NBAS: variants seen among roughly 807,000 people sequenced by gnomAD.
The protein encoded by NBAS is NAG/BC035112 fusion.
A neutral mutation model predicts 302.5 loss-of-function variants in NBAS; 219 were observed. The observed-to-expected ratio is 0.72, with a 90% CI of 0.65 to 0.81. NBAS has a LOEUF of 0.81. Among genes scored for constraint, NBAS ranks in the 30% least tolerant of loss-of-function variants. The probability of loss-of-function intolerance (pLI) is 0.00; values close to 1 mark genes in which losing one functional copy is unlikely to be tolerated. For missense variants in NBAS, 2,932 were observed against 2,841.6 expected (o/e 1.03, Z -0.72); for synonymous variants, 1,118 against 1,021.6 (o/e 1.09, Z -1.80).
At chr2:15,421,339 C>G (rs895588946) in intron 23 of NBAS, among the ~76,000 whole-genome samples, 2 of 152,158 alleles carry the variant, frequency 1.3e-5, no homozygotes, top group Non-Finnish European at 2.9e-5. Flanking sequence ...CAAATACTTA[C>G]TAAAGTATAA....
chr2:15,455,936 C>T (rs963262513), intron 21 of NBAS, among the ~76,000 whole-genome samples: 6 of 151,928 alleles, frequency 3.9e-5, no homozygotes, highest in African/African-American at 1.5e-4. Flanking sequence ...AAAAAATACC[C>T]CACTGCCAAA....
chr2:15,073,350 G>T, the NBAS span, among the ~76,000 whole-genome samples: 1 of 151,846 alleles, frequency 6.6e-6, no homozygotes, highest in Non-Finnish European at 1.5e-5. Flanking sequence ...GTGGTGGCAG[G>T]TGCCTGTAAT....
At chr2:14,818,129 A>C in the NBAS span, among the ~76,000 whole-genome samples, 3 of 152,098 alleles carry the variant, frequency 2.0e-5, no homozygotes, top group Non-Finnish European at 4.4e-5. Context: ...GTTTGGGAGT[A>C]TCTCAAATCT....
the NBAS span, among the ~76,000 whole-genome samples, chr2:15,141,615 T>C: frequency 1.3e-5 from 2 of 152,218 alleles, no homozygotes; most frequent in South Asian, 4.1e-4. Flanking sequence ...GCTAGACTCA[T>C]TTTGATACAA....
At chr2:15,033,286 G>A in the NBAS span, among the ~76,000 whole-genome samples, 2 of 152,106 alleles carry the variant, frequency 1.3e-5, no homozygotes, top group Non-Finnish European at 2.9e-5. Flanking sequence ...TTCCACCACT[G>A]TATTTTGGAA....
the NBAS span, among the ~76,000 whole-genome samples, chr2:14,989,322 TAAC>T: frequency 6.6e-6 from 1 of 151,898 alleles, no homozygotes; most frequent in African/African-American, 2.4e-5. Context: ...TGTGTGTGTA[TAAC>T]TTTATATATA....
intron 9 of NBAS, among the ~76,000 whole-genome samples, chr2:15,527,049 A>C (rs1471608952): frequency 6.6e-6 from 1 of 152,114 alleles, no homozygotes; most frequent in Admixed American, 6.5e-5. Flanking sequence ...ATCAAACAAA[A>C]ACAGTCCAGC....
intron 38 of NBAS, 137 bp downstream of exon 38, chr2:15,327,613 G>A (rs1003827442): frequency 9.9e-6 from 10 of 1,013,650 alleles, no homozygotes; most frequent in Middle Eastern, 2.9e-4. Flanking sequence ...ATGAATGAAC[G>A]AATGATGATG....
the NBAS span, among the ~76,000 whole-genome samples, chr2:14,957,282 T>C: frequency 6.9e-6 from 1 of 143,942 alleles, no homozygotes; most frequent in South Asian, 2.3e-4. Context: ...CATATACGTG[T>C]GTGTGTGTGT....
At chr2:15,247,223 G>C (rs894636657) in intron 44 of NBAS, among the ~76,000 whole-genome samples, 32 of 152,092 alleles carry the variant, frequency 2.1e-4, no homozygotes, top group African/African-American at 7.5e-4. Flanking sequence ...AGAAGTCAGA[G>C]CTCCTGAAGG....
the NBAS span, among the ~76,000 whole-genome samples, chr2:15,024,689 G>A: frequency 3.9e-4 from 60 of 152,146 alleles, 1 homozygote; most frequent in Non-Finnish European, 1.5e-5. Context: ...GTATCTCATT[G>A]TGTTTGATTT....
At chr2:15,054,459 A>G in the NBAS span, among the ~76,000 whole-genome samples, 3 of 152,216 alleles carry the variant, frequency 2.0e-5, no homozygotes, top group Non-Finnish European at 4.4e-5. Flanking sequence ...CACAGCCACC[A>G]TTTTGTGTAG....
the NBAS span, among the ~76,000 whole-genome samples, chr2:14,971,435 A>G: frequency 1.2e-4 from 19 of 152,296 alleles, no homozygotes; most frequent in African/African-American, 4.3e-4. Flanking sequence ...GAATCACTTG[A>G]ACTCAGGAGA....
intron 38 of NBAS, among the ~76,000 whole-genome samples, chr2:15,312,236 C>T (rs1254416109): frequency 3.3e-5 from 5 of 152,158 alleles, no homozygotes; most frequent in Admixed American, 2.0e-4. Flanking sequence ...TTAATCCCAC[C>T]TTACATCCTC....
the NBAS span, among the ~76,000 whole-genome samples, chr2:15,111,154 G>A: frequency 1.3e-5 from 2 of 152,206 alleles, no homozygotes; most frequent in African/African-American, 4.8e-5. Flanking sequence ...CTACCATAAT[G>A]AGAGAAGTTA....
the NBAS span, among the ~76,000 whole-genome samples, chr2:15,041,732 G>A: frequency 6.6e-6 from 1 of 152,186 alleles, no homozygotes; most frequent in African/African-American, 2.4e-5. Flanking sequence ...ACTCTACCCG[G>A]CAGCTGTCCA....
At chr2:15,270,642 G>A (rs1295307430) in intron 44 of NBAS, among the ~76,000 whole-genome samples, 4 of 152,112 alleles carry the variant, frequency 2.6e-5, no homozygotes, top group African/African-American at 9.7e-5. Context: ...TTTATACTGT[G>A]CTAGGACATA....
chr2:15,218,732 T>C, intron 48 of NBAS, 41 bp downstream of exon 48: 1 of 1,613,710 alleles, frequency 6.2e-7, no homozygotes, highest in Non-Finnish European at 8.5e-7. Flanking sequence ...CCGGCCTAAT[T>C]ATTGTTAGTA....
At chr2:15,501,548 T>TA (rs1661553268) in intron 11 of NBAS, among the ~76,000 whole-genome samples, 1 of 151,698 alleles carries the variant, frequency 6.6e-6, no homozygotes, top group Admixed American at 6.6e-5. Context: ...TCAGTGTTGT[T>TA]AGAGTTTCAT....
Sources: allele counts gnomAD v4.1 joint callset (sites outside exome capture counted in the v4.1 genomes callset), GRCh38; gene constraint gnomAD v4.1.1; transcripts MANE v1.5; gene names NCBI Gene and HGNC (gene_info 2026-07-23, HGNC 2026-07-21).